The following SLC25A21 variants were observed in gnomAD, a reference collection of about 807,000 sequenced individuals.
SLC25A21 encodes solute carrier family 25 member 21.
Under a neutral mutation model 43.8 loss-of-function variants are expected in SLC25A21, and 47 were observed. The ratio of observed to expected loss-of-function variants is 1.07; its 90% CI spans 0.85 to 1.37. The LOEUF (loss-of-function observed/expected upper bound fraction) is 1.37. SLC25A21 is among the 40% of genes most tolerant of loss of function. SLC25A21 has a pLI of 0.00. For missense variants in SLC25A21, 352 were observed against 350.2 expected (o/e 1.00, Z -0.04); for synonymous variants, 131 against 121.3 (o/e 1.08, Z -0.52).
rs546582674 is a variant in SLC25A21 at position 36,743,478 on chromosome 14, G to C, written c.204-8905C>G. Among the ~76,000 whole-genome samples, 20 of 151,976 alleles carry C rather than the reference G, an allele frequency of 1.3e-4. 1 individual carries two copies. In the South Asian group the frequency reaches 4.2e-3, roughly 32 times the overall value. ...TTTCTTGGACTCGGACTGAAAACCAGGAAAGACAACCCAATCATGGAGCAA... is the reference window on the plus strand; with the variant it reads ...TTTCTTGGACTCGGACTGAAAACCACGAAAGACAACCCAATCATGGAGCAA... On this transcript the variant is annotated intron_variant, in intron 3 of 9. Coordinates refer to ENST00000331299, the MANE Select transcript of SLC25A21 (RefSeq NM_030631.4).
intron 1 of SLC25A21, among the ~76,000 whole-genome samples, chr14:37,105,884 T>A (rs1407556796): frequency 6.6e-6 from 1 of 152,152 alleles, no homozygotes; most frequent in Non-Finnish European, 1.5e-5. Context: ...ATGCCAATAA[T>A]GCTACATATT....
intron 1 of SLC25A21, among the ~76,000 whole-genome samples, chr14:37,051,141 C>G (rs1029282204): frequency 6.6e-6 from 1 of 152,172 alleles, no homozygotes; most frequent in Non-Finnish European, 1.5e-5. Context: ...AGGACTTTGC[C>G]TATTGTTCAC....
intron 6 of SLC25A21, among the ~76,000 whole-genome samples, chr14:36,723,403 T>C (rs1566539468): frequency 6.6e-6 from 1 of 152,238 alleles, no homozygotes; most frequent in South Asian, 2.1e-4. Flanking sequence ...TTTGCTAAAT[T>C]CTAAATAAAG....
chr14:36,967,986 C>T (rs950877039), intron 1 of SLC25A21, among the ~76,000 whole-genome samples: 1 of 152,134 alleles, frequency 6.6e-6, no homozygotes, highest in African/African-American at 2.4e-5. Flanking sequence ...AGAGCTCTAA[C>T]CTAAGCAAGA....
intron 1 of SLC25A21, chr14:37,097,256 C>T (rs1280462566): frequency 6.6e-6 from 1 of 151,860 alleles, no homozygotes; most frequent in African/African-American, 2.4e-5. Context: ...GTGCACCACC[C>T]CACCCAGCTA....
chr14:36,696,149 G>T (rs569647431), intron 7 of SLC25A21, among the ~76,000 whole-genome samples: 3 of 152,190 alleles, frequency 2.0e-5, no homozygotes, highest in Non-Finnish European at 4.4e-5. Context: ...GGCCTTTTCT[G>T]CATCTATTGA....
intron 1 of SLC25A21, among the ~76,000 whole-genome samples, chr14:36,910,138 A>G (rs1393350803): frequency 2.0e-5 from 3 of 152,160 alleles, no homozygotes; most frequent in Non-Finnish European, 2.9e-5. Context: ...TATACCTTAC[A>G]TATTTATAAA....
chr14:36,895,212 T>C (rs1891203275), intron 1 of SLC25A21, among the ~76,000 whole-genome samples: 1 of 152,238 alleles, frequency 6.6e-6, no homozygotes, highest in African/African-American at 2.4e-5. Context: ...TTGCCTCAAT[T>C]TCAGAGCCCA....
chr14:36,799,549 C>G (rs1052034167), intron 3 of SLC25A21, among the ~76,000 whole-genome samples: 1 of 152,120 alleles, frequency 6.6e-6, no homozygotes, highest in African/African-American at 2.4e-5. Context: ...CTGATGTCAC[C>G]AACCAATTTG....
chr14:37,152,562 G>T (rs1963777056), intron 1 of SLC25A21, among the ~76,000 whole-genome samples: 1 of 151,764 alleles, frequency 6.6e-6, no homozygotes, highest in South Asian at 2.1e-4. Context: ...TTTTATTTCT[G>T]CTATATACCT....
intron 1 of SLC25A21, among the ~76,000 whole-genome samples, chr14:36,997,502 T>C (rs1373307688): frequency 1.3e-5 from 2 of 152,194 alleles, no homozygotes; most frequent in African/African-American, 4.8e-5. Flanking sequence ...AGTAAATGTT[T>C]GACTGAAGAG....
intron 4 of SLC25A21, 61 bp downstream of exon 4, chr14:36,734,446 G>A: frequency 7.9e-7 from 1 of 1,265,462 alleles, no homozygotes; most frequent in Non-Finnish European, 1.1e-6. Context: ...TTAAGAGTTT[G>A]TTGTGCTGAA....
chr14:36,828,169 A>T (rs1324442832), intron 2 of SLC25A21, among the ~76,000 whole-genome samples: 1 of 146,564 alleles, frequency 6.8e-6, no homozygotes, highest in Non-Finnish European at 1.5e-5. Flanking sequence ...ATCCATGAGG[A>T]ACTATGCAGA....
chr14:37,167,883 T>C (rs1256261000), intron 1 of SLC25A21, among the ~76,000 whole-genome samples: 1 of 151,614 alleles, frequency 6.6e-6, no homozygotes, highest in African/African-American at 2.4e-5. Context: ...CTCCTGACTC[T>C]CTAGCTGCAC....
At chr14:37,065,435 C>CT (rs1162109750) in intron 1 of SLC25A21, among the ~76,000 whole-genome samples, 1 of 152,198 alleles carries the variant, frequency 6.6e-6, no homozygotes, top group Non-Finnish European at 1.5e-5. Context: ...CTCAAGACAT[C>CT]TGTCAATTGT....
At chr14:36,824,302 T>C (rs141654927) in intron 2 of SLC25A21, among the ~76,000 whole-genome samples, 1,807 of 152,264 alleles carry the variant, frequency 0.012, 36 homozygotes, top group African/African-American at 0.042. Flanking sequence ...GAAGAAAATA[T>C]GCTTATTCTT....
intron 1 of SLC25A21, among the ~76,000 whole-genome samples, chr14:36,990,189 A>C (rs1056646379): frequency 5.3e-5 from 8 of 152,206 alleles, no homozygotes; most frequent in Admixed American, 4.6e-4. Flanking sequence ...GGAAAGGAAA[A>C]GTGGTCATAA....
chr14:36,702,099 A>G (rs1257372502), intron 7 of SLC25A21, among the ~76,000 whole-genome samples: 2 of 152,150 alleles, frequency 1.3e-5, no homozygotes, highest in African/African-American at 4.8e-5. Context: ...TAAGGGGAGT[A>G]AGTTGCCTTT....
chr14:37,137,991 T>C (rs1401797360), intron 1 of SLC25A21, among the ~76,000 whole-genome samples: 4 of 152,218 alleles, frequency 2.6e-5, no homozygotes, highest in African/African-American at 4.8e-5. Flanking sequence ...CTTTTACTTA[T>C]GTTGCTTACA....
Sources: gnomAD v4.1 joint callset for allele counts (sites outside exome capture counted in the v4.1 genomes callset) on GRCh38, gnomAD v4.1.1 for gene constraint, MANE v1.5 for transcripts, NCBI Gene and HGNC (gene_info 2026-07-23, HGNC 2026-07-21) for gene names.